Variants in DTNA observed in about 807,000 individuals in gnomAD.
The protein encoded by DTNA is dystrobrevin alpha.
A neutral mutation model predicts 100.7 loss-of-function variants in DTNA; 43 were observed. The observed-to-expected ratio is 0.43, with a 90% confidence interval of 0.33 to 0.55. The LOEUF (loss-of-function observed/expected upper bound fraction) is 0.55, where lower values mean the gene tolerates loss of function less well. Among genes scored for constraint, DTNA ranks in the 20% least tolerant of loss-of-function variants. The pLI, the probability that DTNA is intolerant of heterozygous loss-of-function variation, is 0.04. For missense variants in DTNA, 798 were observed against 953.9 expected (o/e 0.84, Z 2.15); for synonymous variants, 349 against 347.9 (o/e 1.00, Z -0.04).
chr18:34,852,352 C>A, intron 15 of DTNA, among the ~76,000 whole-genome samples: 1 of 151,990 alleles, frequency 6.6e-6, no homozygotes, highest in Non-Finnish European at 1.5e-5. Context: ...TCTGGAGAGA[C>A]ACCACCATCA....
At chr18:34,549,136 A>G (rs549779040) in intron 1 of DTNA, among the ~76,000 whole-genome samples, 7 of 151,962 alleles carry the variant, frequency 4.6e-5, no homozygotes, top group South Asian at 4.2e-4. Context: ...CTCTGCTCCC[A>G]CTAACATGGT....
chr18:34,558,265 G>A (rs1470855694), intron 1 of DTNA: 5 of 153,880 alleles, frequency 3.2e-5, no homozygotes, highest in African/African-American at 1.2e-4. Context: ...TGCGCCCACT[G>A]TCTGGCACTC....
chr18:34,862,740 C>T (rs964360954), intron 16 of DTNA, among the ~76,000 whole-genome samples: 1 of 152,080 alleles, frequency 6.6e-6, no homozygotes, highest in Non-Finnish European at 1.5e-5. Context: ...ACTGAGGTTA[C>T]AATCAGCTAT....
chr18:34,666,249 A>G (rs1599821650), intron 1 of DTNA, among the ~76,000 whole-genome samples: 1 of 149,402 alleles, frequency 6.7e-6, no homozygotes, highest in Non-Finnish European at 1.5e-5. Context: ...CATATCCTTC[A>G]CCCACTTTTT....
chr18:34,805,015 G>A (rs970628468), intron 4 of DTNA, among the ~76,000 whole-genome samples: 3 of 151,998 alleles, frequency 2.0e-5, no homozygotes, highest in African/African-American at 4.8e-5. Flanking sequence ...TTTATTCCAT[G>A]TACTAAAGCT....
chr18:34,715,235 A>C (rs185830364), intron 1 of DTNA, among the ~76,000 whole-genome samples: 110 of 152,270 alleles, frequency 7.2e-4, no homozygotes, highest in African/African-American at 2.4e-3. Context: ...AAAATGATTA[A>C]ACTTATCAAG....
chr18:34,594,704 G>T (rs2050232731), intron 1 of DTNA, among the ~76,000 whole-genome samples: 1 of 152,170 alleles, frequency 6.6e-6, no homozygotes, highest in Admixed American at 6.5e-5. Flanking sequence ...TATTGATAAA[G>T]TCATTTGATT....
At chr18:34,596,870 A>T (rs1016044299) in intron 1 of DTNA, among the ~76,000 whole-genome samples, 1 of 152,028 alleles carries the variant, frequency 6.6e-6, no homozygotes, top group Admixed American at 6.5e-5. Flanking sequence ...TTTTTTAATT[A>T]TACGCAAGTT....
intron 3 of DTNA, among the ~76,000 whole-genome samples, chr18:34,790,567 A>ATATATATATATATATATATTT (rs2094687460): frequency 2.5e-5 from 1 of 39,660 alleles, no homozygotes; most frequent in Admixed American, 4.8e-4. Flanking sequence ...ATATATATAT[A>ATATATATATATATATATATTT]TTTTTTTTTT....
chr18:34,628,403 G>A (rs964782149), intron 1 of DTNA, among the ~76,000 whole-genome samples: 1 of 152,186 alleles, frequency 6.6e-6, no homozygotes, highest in Non-Finnish European at 1.5e-5. Flanking sequence ...TTTGCCATAA[G>A]GATCTTTAGA....
At chr18:34,838,266 CTT>C (rs2096197407) in intron 12 of DTNA, 95 bp downstream of exon 12, 1 of 1,362,512 alleles carries the variant, frequency 7.3e-7, no homozygotes, top group Non-Finnish European at 1.0e-6. Context: ...GAAAGACTGT[CTT>C]TGATTCAGTA....
At chr18:34,819,714 C>T (rs543546193) in intron 8 of DTNA, among the ~76,000 whole-genome samples, 1 of 152,040 alleles carries the variant, frequency 6.6e-6, no homozygotes, top group Non-Finnish European at 1.5e-5. Context: ...ACAGAAGGCC[C>T]TGTGGTTTGT....
intron 1 of DTNA, among the ~76,000 whole-genome samples, chr18:34,722,606 TACAC>T (rs71166022): frequency 7.3e-4 from 107 of 147,216 alleles, no homozygotes; most frequent in Middle Eastern, 3.5e-3. Flanking sequence ...TATATATACA[TACAC>T]ACACACACAC....
At chr18:34,866,797 C>A in intron 17 of DTNA, 1 of 994,976 alleles carries the variant, frequency 1.0e-6, no homozygotes, top group Middle Eastern at 5.1e-4. Context: ...ACAGTAATCT[C>A]TTTTTAAAAA....
Position 34,882,133 on chromosome 18 carries a change from C to A in DTNA, c.2227C>A (p.Arg743=), listed in dbSNP as rs774768713. Residue 743 remains arginine, a synonymous_variant, in exon 21 of 23, where the codon CGG becomes AGG. Coordinates refer to ENST00000444659, the MANE Select transcript of DTNA (RefSeq NM_001386795.1). ...TGAAAACTATGAAAATGACTCTGTC[C>A]GGCAGCTGGAGAATGAGCTCCAGAT... The part of the protein sequence containing the change: ...EDENYENDSV[R]QLENELQMEE... 1 of 1,613,962 alleles carries A rather than the reference C, an allele frequency of 6.2e-7. No individual in the cohort carries two copies. Among genetic ancestry groups the A allele is most frequent in the Non-Finnish European group, 8.5e-7 (1 of 1,179,976 alleles).
rs752828928 is a variant in DTNA at position 34,881,437 on chromosome 18, C to CTTTTTTTTTT, written c.2163-616_2163-607dup. 2.3e-4 allele frequency among the ~76,000 whole-genome samples: 12 copies of CTTTTTTTTTT among 51,398 alleles called. 2 individuals are homozygous for CTTTTTTTTTT. The highest frequency in any genetic ancestry group is 6.7e-4 in the African/African-American group (8 of 11,952). 33.7% of individuals were successfully genotyped at this position (51,398 alleles called of 152,430 possible). A position where few individuals can be genotyped will look rare whatever the true frequency, so the allele number is the denominator to read the frequency against. ...ATAGTGGAATTGGATAATTAAAATG[C>CTTTTTTTTTT]TTTTTTTTTTTTTTTTTTTTTTTTT... On this transcript the variant is annotated intron_variant, in intron 20 of 22. Transcript: ENST00000444659.
intron 1 of DTNA, among the ~76,000 whole-genome samples, chr18:34,529,514 C>T (rs888396764): frequency 2.6e-5 from 4 of 152,038 alleles, no homozygotes; most frequent in African/African-American, 9.7e-5. Flanking sequence ...CAAAGGGGAA[C>T]ACAAGATGAA....
chr18:34,576,679 G>A (rs1254530035), intron 1 of DTNA, among the ~76,000 whole-genome samples: 1 of 152,030 alleles, frequency 6.6e-6, no homozygotes, highest in Admixed American at 6.6e-5. Flanking sequence ...GGCTGGTCTC[G>A]AATTCCCAAC....
At chr18:34,795,073 C>T (rs537732945) in intron 4 of DTNA, among the ~76,000 whole-genome samples, 1 of 152,282 alleles carries the variant, frequency 6.6e-6, no homozygotes, top group South Asian at 2.1e-4. Flanking sequence ...CCAACCTGGA[C>T]GTAGTACCAC....
Sources: gnomAD v4.1 joint callset for allele counts (sites outside exome capture counted in the v4.1 genomes callset) on GRCh38, gnomAD v4.1.1 for gene constraint, MANE v1.5 for transcripts, NCBI Gene and HGNC (gene_info 2026-07-23, HGNC 2026-07-21) for gene names.